ZNF385B: variants seen among roughly 807,000 people sequenced by gnomAD.
ZNF385B encodes the protein zinc finger protein 533.
A neutral mutation model predicts 39.2 loss-of-function variants in ZNF385B; 23 were observed. The observed-to-expected ratio is 0.59, with a 90% CI of 0.42 to 0.83. The LOEUF (loss-of-function observed/expected upper bound fraction) is 0.83, where lower values mean the gene tolerates loss of function less well. Ranked by LOEUF, ZNF385B falls within the 40% of genes least tolerant of loss-of-function variation. The probability of loss-of-function intolerance (pLI) is 0.00; values close to 1 mark genes in which losing one functional copy is unlikely to be tolerated. For missense variants in ZNF385B, 552 were observed against 598.9 expected, an observed-to-expected ratio of 0.92 and a Z score of 0.82; for synonymous variants, 205 against 222.6, an observed-to-expected ratio of 0.92 and a Z score of 0.70.
At chr2:179,592,520 C>A (rs1334214650) in intron 3 of ZNF385B, among the ~76,000 whole-genome samples, 1 of 152,028 alleles carries the variant, frequency 6.6e-6, no homozygotes, top group African/African-American at 2.4e-5. Context: ...GTCTTTACCA[C>A]AGCAGGAACT....
intron 4 of ZNF385B, among the ~76,000 whole-genome samples, chr2:179,523,126 A>G (rs2058627378): frequency 6.6e-6 from 1 of 152,302 alleles, no homozygotes; most frequent in African/African-American, 2.4e-5. Context: ...AGTGCAATTA[A>G]CTGGTAGGTA....
Position 179,815,692 on chromosome 2 carries a change from T to C in ZNF385B, c.-154-45020A>G, listed in dbSNP as rs534995122. On this transcript the variant is annotated intron_variant, in intron 1 of 9. Coordinates refer to ENST00000410066, the MANE Select transcript of ZNF385B (RefSeq NM_152520.6). ...CTCTAGCGCTTAACCAGGTCACTAATGCCCCCGACATTTGCAAATTCAGTG... is the reference window on the plus strand; with the variant it reads ...CTCTAGCGCTTAACCAGGTCACTAACGCCCCCGACATTTGCAAATTCAGTG... Among the ~76,000 whole-genome samples the C allele has an allele frequency of 7.9e-5, 12 of 152,322 alleles. 1 individual carries two copies. The South Asian group carries it at 2.5e-3, about 32-fold the overall frequency.
chr2:179,589,575 C>A (rs1475947080), intron 3 of ZNF385B, among the ~76,000 whole-genome samples: 1 of 152,232 alleles, frequency 6.6e-6, no homozygotes, highest in Non-Finnish European at 1.5e-5. Context: ...CTCTCTCTTA[C>A]ACCAGTAAAA....
At chr2:179,666,375 A>G (rs778650089) in intron 3 of ZNF385B, among the ~76,000 whole-genome samples, 5 of 152,328 alleles carry the variant, frequency 3.3e-5, no homozygotes, top group Middle Eastern at 3.4e-3. Context: ...TAGCTATAAA[A>G]TATTTTTATC....
At chr2:179,860,330 C>T (rs772103401) in intron 1 of ZNF385B, among the ~76,000 whole-genome samples, 3 of 152,152 alleles carry the variant, frequency 2.0e-5, no homozygotes, top group Non-Finnish European at 2.9e-5. Flanking sequence ...CACTCCCTAT[C>T]CAGGTTCACC....
intron 4 of ZNF385B, among the ~76,000 whole-genome samples, chr2:179,533,410 T>C (rs2059376466): frequency 6.6e-6 from 1 of 152,224 alleles, no homozygotes; most frequent in Non-Finnish European, 1.5e-5. Flanking sequence ...TTTAGGCTGA[T>C]ATTTGCATTC....
intron 5 of ZNF385B, among the ~76,000 whole-genome samples, chr2:179,507,652 G>A (rs1317127769): frequency 6.6e-6 from 1 of 152,120 alleles, no homozygotes; most frequent in Non-Finnish European, 1.5e-5. Flanking sequence ...CCAGATATAG[G>A]AGGGTATTTC....
At chr2:179,570,257 G>A (rs1427120508) in intron 3 of ZNF385B, among the ~76,000 whole-genome samples, 2 of 152,170 alleles carry the variant, frequency 1.3e-5, no homozygotes, top group Non-Finnish European at 2.9e-5. Context: ...GAACATGGGA[G>A]GGGGAAAGGA....
At chr2:179,762,531 T>C (rs1703465025) in intron 3 of ZNF385B, among the ~76,000 whole-genome samples, 1 of 152,186 alleles carries the variant, frequency 6.6e-6, no homozygotes, top group Non-Finnish European at 1.5e-5. Flanking sequence ...CAGTTTTGCA[T>C]ACCTGGAATA....
chr2:179,553,915 T>C lies in ZNF385B; in HGVS notation c.299-8946A>G, dbSNP rs1291834312. On this transcript the variant is annotated intron_variant, in intron 3 of 9. Transcript: ENST00000410066. ...ACAGGCAACACTGTTCTACACCTGT[T>C]AAAAGCACCAACTCAGCAGACAGAT... Among the ~76,000 whole-genome samples the C allele has an allele frequency of 3.4e-5, 5 of 149,068 alleles. No individual in the cohort carries two copies. The South Asian group carries it at 1.1e-3, about 32-fold the overall frequency.
intron 1 of ZNF385B, among the ~76,000 whole-genome samples, chr2:179,807,459 G>C (rs183168047): frequency 1.3e-5 from 2 of 151,932 alleles, no homozygotes; most frequent in Non-Finnish European, 1.5e-5. Context: ...TTAGCTAGGC[G>C]TTGTGGCGTG....
At chr2:179,743,484 T>C (rs1429034967) in intron 3 of ZNF385B, among the ~76,000 whole-genome samples, 1 of 152,016 alleles carries the variant, frequency 6.6e-6, no homozygotes, top group African/African-American at 2.4e-5. Flanking sequence ...AATCATGAAA[T>C]TCAGGATTTA....
chr2:179,659,696 C>T (rs571495327), intron 3 of ZNF385B, among the ~76,000 whole-genome samples: 2 of 152,122 alleles, frequency 1.3e-5, no homozygotes, highest in African/African-American at 2.4e-5. Flanking sequence ...TTTTAGAATA[C>T]GTATCAGAGC....
At chr2:179,694,491 C>T (rs1281905437) in intron 3 of ZNF385B, among the ~76,000 whole-genome samples, 1 of 151,810 alleles carries the variant, frequency 6.6e-6, no homozygotes, top group African/African-American at 2.4e-5. Context: ...TGCCTTTAAA[C>T]TGACATTTTA....
chr2:179,652,637 T>C (rs1417991330), intron 3 of ZNF385B, among the ~76,000 whole-genome samples: 1 of 152,150 alleles, frequency 6.6e-6, no homozygotes, highest in Non-Finnish European at 1.5e-5. Flanking sequence ...ATTGTAGTTA[T>C]TTGCATATCT....
At position 179,712,855 on chromosome 2, in the gene ZNF385B, T is replaced by C. The variant is rs1170515223; in HGVS notation, c.298+56648A>G. ...ATAATGGTTTGGCTTATTAACACAA[T>C]ATTTAGACTTTGTTATGGTGTAAAA... On this transcript the variant is annotated intron_variant, in intron 3 of 9. Coordinates refer to ENST00000410066, the MANE Select transcript of ZNF385B (RefSeq NM_152520.6). 2.0e-5 allele frequency among the ~76,000 whole-genome samples: 3 copies of C among 152,314 alleles called. No homozygotes were observed. In the South Asian group the frequency reaches 6.2e-4, roughly 32 times the overall value.
rs151296862 is a variant in ZNF385B at position 179,629,186 on chromosome 2, G to A, written c.299-84217C>T. On this transcript the variant is annotated intron_variant, in intron 3 of 9. Coordinates refer to ENST00000410066, the MANE Select transcript of ZNF385B (RefSeq NM_152520.6). The stretch of plus-strand genomic sequence containing the variant: ...AGACTGATTTCTTACAATGGGAAGT[G>A]GCTCTGCCCACCATTGAAACTGATT... 4.3e-4 allele frequency among the ~76,000 whole-genome samples: 66 copies of A among 152,284 alleles called. No homozygotes were observed. In the East Asian group the frequency reaches 0.012, roughly 28 times the overall value.
chr2:179,611,262 T>C (rs35439427), intron 3 of ZNF385B, among the ~76,000 whole-genome samples: 12,100 of 152,270 alleles, frequency 0.079, 546 homozygotes, highest in Middle Eastern at 0.2. Flanking sequence ...AGATGTTGAA[T>C]GTTATCACAT....
At chr2:179,666,377 A>AT (rs1266370427) in intron 3 of ZNF385B, among the ~76,000 whole-genome samples, 2 of 152,204 alleles carry the variant, frequency 1.3e-5, no homozygotes, top group African/African-American at 4.8e-5. Context: ...GCTATAAAAT[A>AT]TTTTTATCAG....
Sources: allele counts gnomAD v4.1 joint callset (sites outside exome capture counted in the v4.1 genomes callset), GRCh38; gene constraint gnomAD v4.1.1; transcripts MANE v1.5; gene names NCBI Gene and HGNC (gene_info 2026-07-23, HGNC 2026-07-21).